C5orf63: variants seen among roughly 807,000 people sequenced by gnomAD.
C5orf63 encodes chromosome 5 open reading frame 63.
A neutral mutation model predicts 13.3 loss-of-function variants in C5orf63; 18 were observed. The ratio of observed to expected loss-of-function variants is 1.36; its 90% CI spans 0.94 to 2.01. The LOEUF (loss-of-function observed/expected upper bound fraction) is 2.01. C5orf63 is among the 30% of genes most tolerant of loss of function. C5orf63 has a pLI of 0.00. For synonymous variants in C5orf63, 38 were observed against 44.7 expected, an observed-to-expected ratio of 0.85 and a Z score of 0.60; for missense variants, 118 against 127.7, an observed-to-expected ratio of 0.92 and a Z score of 0.36.
At chr5:127,052,501 T>G in intron 4 of C5orf63, 112 bp downstream of exon 4, 1 of 796,428 alleles carries the variant, frequency 1.3e-6, no homozygotes, top group Non-Finnish European at 1.7e-6. Context: ...GAAAGAAAAT[T>G]TAAAAGAAAA....
chr5:127,068,858 T>C (rs1754426102), intron 2 of C5orf63, among the ~76,000 whole-genome samples: 1 of 152,114 alleles, frequency 6.6e-6, no homozygotes, highest in Admixed American at 6.6e-5. Context: ...AGAACAGTAA[T>C]GTACGCTCAC....
At chr5:127,052,588 T>A (rs780631317) in intron 4 of C5orf63, 25 bp downstream of exon 4, 1 of 1,422,998 alleles carries the variant, frequency 7.0e-7, no homozygotes, top group Non-Finnish European at 9.1e-7. Flanking sequence ...TCCATATACA[T>A]AAAAGCCACA....
intron 2 of C5orf63, among the ~76,000 whole-genome samples, chr5:127,067,963 T>C (rs184486424): frequency 5.3e-5 from 8 of 152,308 alleles, no homozygotes; most frequent in Admixed American, 4.6e-4. Context: ...ATTTTGAGCT[T>C]TGAAGTTATT....
intron 2 of C5orf63, among the ~76,000 whole-genome samples, chr5:127,070,487 C>A (rs1162113590): frequency 1.3e-5 from 2 of 152,204 alleles, no homozygotes. Flanking sequence ...GCATATACCA[C>A]CACTGTCCTA....
At chr5:127,056,065 A>G (rs955749753) in intron 3 of C5orf63, among the ~76,000 whole-genome samples, 6 of 152,136 alleles carry the variant, frequency 3.9e-5, no homozygotes, top group Non-Finnish European at 7.4e-5. Context: ...GCTGTCCACC[A>G]CCCACTTCCC....
At chr5:127,053,989 T>C (rs1354027700) in intron 3 of C5orf63, among the ~76,000 whole-genome samples, 3 of 152,182 alleles carry the variant, frequency 2.0e-5, no homozygotes, top group Non-Finnish European at 2.9e-5. Flanking sequence ...ACATAGATTA[T>C]GGGTAGTTTG....
chr5:127,069,542 C>T lies in C5orf63; in HGVS notation c.-8+2042G>A, dbSNP rs80306738. ...TCAAAGAGATAAAGTTATCTTTGTG[C>T]CCCCACAAAACCTAAAAGATGTTTC... On this transcript the variant is annotated intron_variant, in intron 2 of 4. Transcript: ENST00000296662. 8.1e-3 allele frequency among the ~76,000 whole-genome samples: 1,236 copies of T among 152,316 alleles called. 10 individuals are homozygous for T. The highest frequency in any genetic ancestry group is 0.01 in the Non-Finnish European group (703 of 68,028).
chr5:127,052,594 C>A lies in C5orf63; in HGVS notation c.171+19G>T. 1 of 1,434,740 alleles carries A rather than the reference C, an allele frequency of 7.0e-7. No homozygotes were observed. Among genetic ancestry groups the A allele is most frequent in the Non-Finnish European group, 9.1e-7 (1 of 1,100,662 alleles). The allele number at this position is 1,434,740 out of a possible 1,614,324, so 88.9% of individuals were successfully genotyped here. On this transcript the variant is annotated intron_variant, in intron 4 of 4. Coordinates refer to ENST00000296662, the MANE Select transcript of C5orf63 (RefSeq NM_001164478.2). ...AATATGCAATCCATATACATAAAAG[C>A]CACACTGTATTATATTACCCTGTTT...
chr5:127,054,034 A>G (rs1172472956), intron 3 of C5orf63, among the ~76,000 whole-genome samples: 1 of 152,196 alleles, frequency 6.6e-6, no homozygotes, highest in Non-Finnish European at 1.5e-5. Flanking sequence ...AAATTTTCAG[A>G]GAAGGTTTCA....
At chr5:127,071,315 T>C (rs540582965) in intron 2 of C5orf63, among the ~76,000 whole-genome samples, 36 of 152,316 alleles carry the variant, frequency 2.4e-4, no homozygotes, top group African/African-American at 8.2e-4. Context: ...AAATAGTAGG[T>C]AGGTTCTTTC....
At chr5:127,046,036 C>T (rs907680580) in exon 5 of C5orf63, 3 of 152,230 alleles carry the variant, frequency 2.0e-5, no homozygotes, top group African/African-American at 4.8e-5. Flanking sequence ...GAATAGCTTG[C>T]TTTTCTCCTT....
At chr5:127,044,656 T>G (rs1038532626), downstream of C5orf63, 1 of 151,932 alleles carries the variant, frequency 6.6e-6, no homozygotes. Context: ...TGGACTATAA[T>G]GGGTTACTAT....
intron 3 of C5orf63, among the ~76,000 whole-genome samples, chr5:127,057,007 G>A (rs1312504084): frequency 6.6e-6 from 1 of 152,122 alleles, no homozygotes; most frequent in African/African-American, 2.4e-5. Context: ...TTTAACAAAT[G>A]TTTCTGGCTA....
downstream of C5orf63, among the ~76,000 whole-genome samples, chr5:127,050,493 T>A (rs1753636820): frequency 6.6e-6 from 1 of 152,126 alleles, no homozygotes; most frequent in Admixed American, 6.5e-5. Context: ...TTAAGTTGAT[T>A]CCAGATTTGT....
chr5:127,043,156 A>AT (rs1753443349), downstream of C5orf63: 1 of 152,220 alleles, frequency 6.6e-6, no homozygotes. Context: ...ATATACATAA[A>AT]TTTTTAAAAA....
intron 2 of C5orf63, among the ~76,000 whole-genome samples, chr5:127,062,615 A>C (rs767251648): frequency 6.6e-6 from 1 of 152,192 alleles, no homozygotes; most frequent in South Asian, 2.1e-4. Flanking sequence ...GGAACTCTAT[A>C]ATATTCTTCT....
downstream of C5orf63, among the ~76,000 whole-genome samples, chr5:127,048,127 C>G (rs1753564266): frequency 6.6e-6 from 1 of 151,968 alleles, no homozygotes; most frequent in Non-Finnish European, 1.5e-5. Flanking sequence ...TTCGAGCAGA[C>G]CCCTCAGCCC....
chr5:127,056,737 A>G (rs1473602736), intron 3 of C5orf63, among the ~76,000 whole-genome samples: 1 of 152,226 alleles, frequency 6.6e-6, no homozygotes, highest in Non-Finnish European at 1.5e-5. Flanking sequence ...AGAGATTGTT[A>G]ACATGTTTAG....
At chr5:127,058,068 A>C (rs568092363) in intron 3 of C5orf63, among the ~76,000 whole-genome samples, 1 of 152,150 alleles carries the variant, frequency 6.6e-6, no homozygotes, top group South Asian at 2.1e-4. Context: ...CTTTTATTTT[A>C]GGTTCGGGGG....
Sources: gnomAD v4.1 joint callset for allele counts (sites outside exome capture counted in the v4.1 genomes callset) on GRCh38, gnomAD v4.1.1 for gene constraint, MANE v1.5 for transcripts, NCBI Gene and HGNC (gene_info 2026-07-23, HGNC 2026-07-21) for gene names.